Variants in SASH1 observed in about 807,000 individuals in gnomAD.
The protein encoded by SASH1 is SAM and SH3 domain containing 1, also known as SAM and SH3 domain-containing protein 1.
SASH1 carries 44 observed loss-of-function variants against 125.2 expected under a neutral mutation model. The ratio of observed to expected loss-of-function variants is 0.35; its 90% CI spans 0.28 to 0.45. The LOEUF (loss-of-function observed/expected upper bound fraction) is 0.45. SASH1 is among the 20% of genes least tolerant of loss of function. The probability of loss-of-function intolerance (pLI) is 1.00; values close to 1 mark genes in which losing one functional copy is unlikely to be tolerated. For missense variants in SASH1, 1,426 were observed against 1,614.5 expected, an observed-to-expected ratio of 0.88 and a Z score of 2.00; for synonymous variants, 639 against 649.1, an observed-to-expected ratio of 0.98 and a Z score of 0.24.
intron 10 of SASH1, among the ~76,000 whole-genome samples, chr6:148,522,258 G>A (rs1006705188): frequency 2.0e-5 from 3 of 152,118 alleles, no homozygotes; most frequent in Non-Finnish European, 1.5e-5. Context: ...TCCTTTTCTT[G>A]TAGTACAGTT....
At chr6:148,449,363 C>T (rs1397441741) in intron 4 of SASH1, among the ~76,000 whole-genome samples, 1 of 149,628 alleles carries the variant, frequency 6.7e-6, no homozygotes, top group Non-Finnish European at 1.5e-5. Context: ...AGTCACCGTA[C>T]CTGGCTGAGA....
At chr6:148,317,631 T>A (rs1369010824) in intron 1 of SASH1, among the ~76,000 whole-genome samples, 2 of 152,190 alleles carry the variant, frequency 1.3e-5, no homozygotes, top group East Asian at 3.9e-4. Flanking sequence ...TTCACCATGT[T>A]GGCCAGGATG....
chr6:148,204,105 C>T, the SASH1 span, among the ~76,000 whole-genome samples: 1 of 152,196 alleles, frequency 6.6e-6, no homozygotes, highest in African/African-American at 2.4e-5. Context: ...GCTAATCAGA[C>T]ACATGGGGAC....
chr6:148,294,253 G>A (rs1396377598), intron 1 of SASH1, among the ~76,000 whole-genome samples: 1 of 152,250 alleles, frequency 6.6e-6, no homozygotes, highest in African/African-American at 2.4e-5. Context: ...GAATTCAAAT[G>A]AGGCTACACA....
At chr6:148,198,162 G>A in the SASH1 span, among the ~76,000 whole-genome samples, 1 of 152,108 alleles carries the variant, frequency 6.6e-6, no homozygotes, top group Non-Finnish European at 1.5e-5. Context: ...TGGTTTTATA[G>A]GGCATTCTTC....
intron 1 of SASH1, among the ~76,000 whole-genome samples, chr6:148,378,316 A>T (rs1205274548): frequency 6.6e-6 from 1 of 150,916 alleles, no homozygotes. Flanking sequence ...AGCCTCCCAG[A>T]GTCCTGGGAT....
chr6:148,299,319 T>C (rs1336142982), intron 1 of SASH1, among the ~76,000 whole-genome samples: 6 of 60,992 alleles, frequency 9.8e-5, no homozygotes, highest in Non-Finnish European at 2.1e-4. Flanking sequence ...AGAAAAGAAT[T>C]TTTTTTTTTT....
intron 1 of SASH1, among the ~76,000 whole-genome samples, chr6:148,377,206 CAAAA>C (rs1408338141): frequency 6.2e-5 from 4 of 64,462 alleles, no homozygotes; most frequent in Non-Finnish European, 9.6e-5. Flanking sequence ...AAAAAAAAAA[CAAAA>C]CAAACAAACA....
intron 1 of SASH1, among the ~76,000 whole-genome samples, chr6:148,375,198 C>G (rs953989481): frequency 5.3e-5 from 8 of 150,942 alleles, no homozygotes; most frequent in Admixed American, 4.6e-4. Flanking sequence ...CACCATGTTG[C>G]CCAGGCTGGT....
the SASH1 span, among the ~76,000 whole-genome samples, chr6:148,223,439 C>T: frequency 6.6e-6 from 1 of 152,224 alleles, no homozygotes; most frequent in Non-Finnish European, 1.5e-5. Context: ...TGTTGTCACT[C>T]ATAAGCGAGA....
intron 1 of SASH1, among the ~76,000 whole-genome samples, chr6:148,310,519 A>G (rs1157221214): frequency 6.6e-6 from 1 of 152,198 alleles, no homozygotes; most frequent in Non-Finnish European, 1.5e-5. Flanking sequence ...TATGATTCAT[A>G]AAAGAAAACA....
Position 148,519,797 on chromosome 6 carries a change from A to T in SASH1, c.1113A>T (p.Thr371=). 1 of 1,613,924 alleles carries T rather than the reference A, an allele frequency of 6.2e-7. No individual in the cohort carries two copies. Residue 371 remains threonine (T), a synonymous_variant, in exon 10 of 20, where the codon ACA becomes ACT. Transcript: ENST00000367467. The surrounding 1 kb of genome is among the most constrained non-coding windows in gnomAD (Gnocchi z 4.8). ...TTAAGCCCCCCAAGAAGATGGGGAC[A>T]TTCTTCTCCTACCCAGAAGAAGAAA... ...GLIKPPKKMG[T]FFSYPEEEKA... is the part of the protein sequence containing the mutation.
chr6:148,534,496 A>G (rs1781721013), intron 15 of SASH1, among the ~76,000 whole-genome samples: 1 of 152,228 alleles, frequency 6.6e-6, no homozygotes, highest in Admixed American at 6.5e-5. Context: ...GAGTACAATT[A>G]TAGTGCAAGC....
chr6:148,261,330 A>G, the SASH1 span, among the ~76,000 whole-genome samples: 1 of 152,070 alleles, frequency 6.6e-6, no homozygotes, highest in Non-Finnish European at 1.5e-5. Flanking sequence ...TTTGACTCTT[A>G]CTTTCTATCA....
At chr6:148,537,076 G>A (rs970477606) in intron 16 of SASH1, among the ~76,000 whole-genome samples, 13 of 152,146 alleles carry the variant, frequency 8.5e-5, no homozygotes, top group African/African-American at 3.1e-4. Context: ...TAAAGTCATC[G>A]TGGCTAAGAA....
intron 6 of SASH1, 51 bp downstream of exon 6, chr6:148,471,554 A>ATTCTTCCCATGTTAG: frequency 2.7e-6 from 3 of 1,097,914 alleles, no homozygotes; most frequent in Non-Finnish European, 4.2e-6. Context: ...CTAACATGGG[A>ATTCTTCCCATGTTAG]AGAATCCTAT....
intron 2 of SASH1, among the ~76,000 whole-genome samples, chr6:148,405,154 G>A (rs926603082): frequency 4.0e-5 from 6 of 151,856 alleles, no homozygotes; most frequent in Admixed American, 1.3e-4. Context: ...CCACACCCTG[G>A]ACATGGGGTG....
chr6:148,458,234 C>T (rs889332221), intron 4 of SASH1, among the ~76,000 whole-genome samples: 1 of 152,096 alleles, frequency 6.6e-6, no homozygotes, highest in Non-Finnish European at 1.5e-5. Context: ...TGGGAAGAGC[C>T]GGGCAAAAGG....
chr6:148,238,590 C>G, the SASH1 span, among the ~76,000 whole-genome samples: 1 of 150,754 alleles, frequency 6.6e-6, no homozygotes, highest in African/African-American at 2.5e-5. Context: ...CTTACCCACC[C>G]TGTCCCTAAT....
Sources: gnomAD v4.1 joint callset for allele counts (sites outside exome capture counted in the v4.1 genomes callset) on GRCh38, gnomAD v4.1.1 for gene constraint, Gnocchi (gnomAD v3.1) non-coding constraint, MANE v1.5 for transcripts, NCBI Gene and HGNC (gene_info 2026-07-23, HGNC 2026-07-21) for gene names.